Variants in SH3RF3 observed in about 807,000 individuals in gnomAD.
SH3RF3 encodes E3 ubiquitin-protein ligase SH3RF3.
A neutral mutation model predicts 66.3 loss-of-function variants in SH3RF3; 29 were observed. The observed-to-expected ratio is 0.44, with a 90% CI of 0.33 to 0.60. The LOEUF (loss-of-function observed/expected upper bound fraction) is 0.60. SH3RF3 is among the 20% of genes least tolerant of loss of function. The pLI, the probability that SH3RF3 is intolerant of heterozygous loss-of-function variation, is 0.04. For missense variants in SH3RF3, 1,194 were observed against 1,190.9 expected, an observed-to-expected ratio of 1.00 and a Z score of -0.04; for synonymous variants, 583 against 532.0, an observed-to-expected ratio of 1.10 and a Z score of -1.32.
chr2:109,416,904 C>CAAA (rs59855463), intron 4 of SH3RF3, among the ~76,000 whole-genome samples: 3 of 64,324 alleles, frequency 4.7e-5, no homozygotes, highest in Non-Finnish European at 1.0e-4. Context: ...GACTTCATCT[C>CAAA]AAAAAAAAAA....
At chr2:109,416,521 A>C (rs1676727600) in intron 4 of SH3RF3, among the ~76,000 whole-genome samples, 1 of 152,154 alleles carries the variant, frequency 6.6e-6, no homozygotes, top group Non-Finnish European at 1.5e-5. Flanking sequence ...AGTAGCTGGG[A>C]TTACAGGCGT....
chr2:109,272,860 G>T (rs563348124), intron 1 of SH3RF3, among the ~76,000 whole-genome samples: 1 of 152,290 alleles, frequency 6.6e-6, no homozygotes, highest in African/African-American at 2.4e-5. Context: ...GTGTTCTGTC[G>T]GCAAACGTTC....
At chr2:109,417,367 G>A (rs934306880) in intron 4 of SH3RF3, among the ~76,000 whole-genome samples, 2 of 152,178 alleles carry the variant, frequency 1.3e-5, no homozygotes, top group African/African-American at 2.4e-5. Flanking sequence ...CATTGTTGGG[G>A]ACACCTCCTC....
intron 1 of SH3RF3, among the ~76,000 whole-genome samples, chr2:109,283,785 G>T (rs1680951687): frequency 6.6e-6 from 1 of 152,320 alleles, no homozygotes; most frequent in African/African-American, 2.4e-5. Flanking sequence ...TTGGCTCTCT[G>T]CCTGGCTCCT....
At chr2:109,179,613 T>C (rs1034916713) in intron 1 of SH3RF3, among the ~76,000 whole-genome samples, 14 of 152,178 alleles carry the variant, frequency 9.2e-5, no homozygotes, top group African/African-American at 1.2e-4. Flanking sequence ...TGTTGTAATA[T>C]GGTGGAGGGT....
intron 1 of SH3RF3, among the ~76,000 whole-genome samples, chr2:109,147,117 G>A (rs1486796868): frequency 3.9e-5 from 6 of 152,064 alleles, no homozygotes; most frequent in African/African-American, 9.7e-5. Flanking sequence ...ACCCTGGAGC[G>A]AGTCAGAGGG....
chr2:109,205,142 G>A (rs919615573), intron 1 of SH3RF3, among the ~76,000 whole-genome samples: 12 of 152,142 alleles, frequency 7.9e-5, no homozygotes, highest in Non-Finnish European at 1.5e-4. Context: ...AAGAGATTGA[G>A]GCTACAATGA....
At chr2:109,481,580 T>G (rs1167314584) in intron 8 of SH3RF3, among the ~76,000 whole-genome samples, 1 of 152,136 alleles carries the variant, frequency 6.6e-6, no homozygotes, top group Non-Finnish European at 1.5e-5. Flanking sequence ...TCTTCCCTCT[T>G]GAGCAAATAG....
chr2:109,129,665 C>G lies in SH3RF3; in HGVS notation c.125C>G (p.Ala42Gly). Residue 42 changes from alanine to glycine, a missense_variant, in exon 1 of 10, where the codon GCG (alanine) becomes GGG (glycine). Transcript: ENST00000309415. ...RRRAAATAAG[A>G]GEDMDESSLL... ...CGGGCGGCGGCCACCGCCGCGGGGG[C>G]GGGCGAGGACATGGACGAGTCGTCG... 2 of 1,507,706 alleles carry G rather than the reference C, an allele frequency of 1.3e-6. No individual in the cohort carries two copies. Among genetic ancestry groups the G allele is most frequent in the Non-Finnish European group, 1.8e-6 (2 of 1,134,656 alleles). 93.4% of individuals were successfully genotyped at this position (1,507,706 alleles called of 1,614,324 possible).
intron 1 of SH3RF3, among the ~76,000 whole-genome samples, chr2:109,271,796 T>C (rs2105320017): frequency 6.6e-6 from 1 of 152,250 alleles, no homozygotes; most frequent in East Asian, 1.9e-4. Context: ...ACAATGTATC[T>C]GACTATCTTT....
rs551216007 is a variant in SH3RF3, at chr2:109,383,798, T to G, written c.945+12117T>G. On this transcript the variant is annotated intron_variant, in intron 3 of 9. Coordinates refer to ENST00000309415, the MANE Select transcript of SH3RF3 (RefSeq NM_001099289.3). ...AATTAAGAGTCTTAGTTTGAAGCTC[T>G]TGGGACATCAGCCGCATTTTCCAGA... is the stretch of plus-strand genomic sequence containing the variant. Among the ~76,000 whole-genome samples the G allele has an allele frequency of 3.9e-5, 6 of 152,314 alleles. No homozygotes were observed. The East Asian group carries it at 1.2e-3, about 29-fold the overall frequency.
Position 109,449,471 on chromosome 2 carries a change from C to T in SH3RF3, c.2130C>T (p.Asp710=), listed in dbSNP as rs146090958. 1,734 of 1,613,874 alleles carry T rather than the reference C, an allele frequency of 1.1e-3. 14 individuals carry two copies. The African/African-American group carries it at 0.016, about 15-fold the overall frequency. ...SSPTNTGCKL[D]EKKSEKKEKK... ...CCACCAACACGGGATGCAAACTAGA[C>T]GAGAAGAAAAGTGAAAAGGTAAGAG... The change falls in exon 8 of 10, where the codon GAC becomes GAT. Residue 710 remains aspartate (D), a synonymous_variant. Transcript: ENST00000309415.
chr2:109,371,952 C>T (rs896082772), intron 3 of SH3RF3, among the ~76,000 whole-genome samples: 1 of 152,204 alleles, frequency 6.6e-6, no homozygotes, highest in African/African-American at 2.4e-5. Context: ...CCCCCTTGTG[C>T]ACCTTCCCCG....
chr2:109,356,728 A>C (rs1682950556), intron 2 of SH3RF3, among the ~76,000 whole-genome samples: 2 of 152,204 alleles, frequency 1.3e-5, no homozygotes. Context: ...ATCTTTGGAC[A>C]GCCCTGCCTC....
At chr2:109,485,465 T>G (rs892387940) in intron 8 of SH3RF3, among the ~76,000 whole-genome samples, 4 of 152,254 alleles carry the variant, frequency 2.6e-5, no homozygotes, top group African/African-American at 7.2e-5. Context: ...AATCTTAATT[T>G]AAGCTTTCAA....
chr2:109,490,866 TCTC>T lies in SH3RF3; in HGVS notation c.2413_2415del (p.Pro805del), dbSNP rs1209164267. On this transcript the variant is annotated inframe_deletion, in exon 9 of 10. Transcript: ENST00000309415. ...AGGCTCCTTGGATCTAAACTTCACA[TCTC>T]CTTCCCGGCAAGCTCCGCTGTCCAT... 3 of 1,535,060 alleles carry T rather than the reference TCTC, an allele frequency of 2.0e-6. No individual in the cohort carries two copies. The highest frequency in any genetic ancestry group is 2.7e-5 in the African/African-American group (2 of 72,980).
chr2:109,330,097 T>C (rs956127217), intron 1 of SH3RF3, among the ~76,000 whole-genome samples: 2 of 152,218 alleles, frequency 1.3e-5, no homozygotes, highest in South Asian at 4.1e-4. Context: ...TAATGAAATA[T>C]ATGTAGCACG....
chr2:109,317,172 G>T (rs1681904924), intron 1 of SH3RF3, among the ~76,000 whole-genome samples: 1 of 114,820 alleles, frequency 8.7e-6, no homozygotes, highest in African/African-American at 4.3e-5. Context: ...AATGTTTTGT[G>T]GATGTAAGTT....
intron 4 of SH3RF3, among the ~76,000 whole-genome samples, chr2:109,406,767 C>G (rs1676462267): frequency 6.6e-6 from 1 of 151,988 alleles, no homozygotes; most frequent in South Asian, 2.1e-4. Context: ...TAGAATGTCT[C>G]CAGGACCATA....
Sources: allele counts gnomAD v4.1 joint callset (sites outside exome capture counted in the v4.1 genomes callset), GRCh38; gene constraint gnomAD v4.1.1; transcripts MANE v1.5; gene names NCBI Gene and HGNC (gene_info 2026-07-23, HGNC 2026-07-21).